EYS: variants seen among roughly 807,000 people sequenced by gnomAD.
EYS encodes protein eyes shut homolog.
EYS carries 250 observed loss-of-function variants against 282.1 expected under a neutral mutation model. The ratio of observed to expected loss-of-function variants is 0.89; its 90% CI spans 0.80 to 0.98. The LOEUF (loss-of-function observed/expected upper bound fraction) is 0.98. Ranked by LOEUF, EYS falls within the 50% of genes least tolerant of loss-of-function variation. EYS has a pLI of 0.00. For missense variants in EYS, 4,016 were observed against 3,709.0 expected, an observed-to-expected ratio of 1.08 and a Z score of -2.15; for synonymous variants, 1,355 against 1,282.9, an observed-to-expected ratio of 1.06 and a Z score of -1.20.
chr6:65,441,778 C>T (rs1768337644), intron 5 of EYS, among the ~76,000 whole-genome samples: 1 of 152,022 alleles, frequency 6.6e-6, no homozygotes, highest in African/African-American at 2.4e-5. Flanking sequence ...TCAAATTCTC[C>T]TGCTTTCAGA....
intron 8 of EYS, among the ~76,000 whole-genome samples, chr6:65,377,241 A>G (rs774323183): frequency 1.3e-5 from 2 of 152,174 alleles, no homozygotes; most frequent in African/African-American, 2.4e-5. Context: ...AAACCACACA[A>G]TTTTGTGGAA....
chr6:64,467,818 C>A (rs118036968), intron 26 of EYS, among the ~76,000 whole-genome samples: 1 of 151,986 alleles, frequency 6.6e-6, no homozygotes, highest in Non-Finnish European at 1.5e-5. Flanking sequence ...TTTTGGGGAC[C>A]CAGGGATCAG....
intron 26 of EYS, among the ~76,000 whole-genome samples, chr6:64,495,139 C>A (rs1287943406): frequency 1.3e-5 from 2 of 151,574 alleles, no homozygotes; most frequent in African/African-American, 2.4e-5. Flanking sequence ...TAATAAAGAA[C>A]AGATTGCCCT....
At chr6:63,905,874 T>C (rs1773767480) in intron 35 of EYS, among the ~76,000 whole-genome samples, 3 of 152,240 alleles carry the variant, frequency 2.0e-5, no homozygotes, top group Admixed American at 6.5e-5. Context: ...ATCCCCGTTA[T>C]GGCCTTTCTT....
At chr6:65,693,680 G>A (rs1265220253) in intron 1 of EYS, among the ~76,000 whole-genome samples, 1 of 150,054 alleles carries the variant, frequency 6.7e-6, no homozygotes, top group Non-Finnish European at 1.5e-5. Context: ...AATTAGGAAA[G>A]GATAATAGGA....
chr6:64,882,045 C>A (rs1413249048), intron 19 of EYS, among the ~76,000 whole-genome samples: 1 of 151,652 alleles, frequency 6.6e-6, no homozygotes, highest in East Asian at 1.9e-4. Context: ...GTGATAAAGG[C>A]AATTTTATAA....
intron 5 of EYS, among the ~76,000 whole-genome samples, chr6:65,413,239 C>T (rs1446461192): frequency 1.3e-5 from 2 of 151,986 alleles, no homozygotes; most frequent in Non-Finnish European, 2.9e-5. Context: ...TAAAATAATA[C>T]TTTAATTAAT....
intron 22 of EYS, among the ~76,000 whole-genome samples, chr6:64,643,245 T>C (rs1006159042): frequency 1.3e-5 from 2 of 152,302 alleles, no homozygotes; most frequent in Middle Eastern, 3.4e-3. Flanking sequence ...ATAATTGGCA[T>C]CTAAATTTAG....
At chr6:65,579,615 C>T (rs1344329241) in intron 2 of EYS, among the ~76,000 whole-genome samples, 1 of 152,062 alleles carries the variant, frequency 6.6e-6, no homozygotes, top group Non-Finnish European at 1.5e-5. Context: ...TGAGGCCCCA[C>T]GTGGCCTTAC....
rs1766414267 is a variant in EYS at position 64,591,650 on chromosome 6, G to C, written c.4217C>G (p.Thr1406Arg). 1 of 1,551,234 alleles carries C rather than the reference G, an allele frequency of 6.4e-7. No homozygotes were observed. The highest frequency in any genetic ancestry group is 8.7e-7 in the Non-Finnish European group (1 of 1,146,698). ...SSLMSDFIFP[T>R]QSLLFENCQT... ...ACAGTTCTCAAATAATAAAGATTGT[G>C]TAGGAAAAATAAAATCTGACATTAA... Residue 1406 changes from threonine to arginine, a missense_variant, in exon 26 of 43, where the codon ACA becomes AGA. Physicochemically the swap from Thr to Arg is moderately conservative, Grantham distance 71 (BLOSUM62 -1). Coordinates refer to ENST00000503581, the MANE Select transcript of EYS (RefSeq NM_001142800.2).
chr6:64,519,669 A>G (rs918576279), intron 26 of EYS, among the ~76,000 whole-genome samples: 7 of 151,820 alleles, frequency 4.6e-5, no homozygotes, highest in Non-Finnish European at 8.8e-5. Context: ...CCACCCACCA[A>G]TTGGAGGATG....
intron 34 of EYS, among the ~76,000 whole-genome samples, chr6:63,991,249 CA>C (rs1236129586): frequency 6.6e-6 from 1 of 151,578 alleles, no homozygotes; most frequent in Non-Finnish European, 1.5e-5. Context: ...TTTCCCTGTA[CA>C]AAAAGCCAGT....
intron 29 of EYS, among the ~76,000 whole-genome samples, chr6:64,328,529 G>C (rs1361830846): frequency 6.6e-6 from 1 of 152,198 alleles, no homozygotes; most frequent in Non-Finnish European, 1.5e-5. Flanking sequence ...AGGCTTACCA[G>C]CTTTACACAC....
chr6:64,564,107 T>C (rs959757922), intron 26 of EYS, among the ~76,000 whole-genome samples: 2 of 151,832 alleles, frequency 1.3e-5, no homozygotes, highest in Non-Finnish European at 1.5e-5. Context: ...TTTGGACATA[T>C]ACCCACGAGT....
chr6:64,191,481 C>CT (rs900043483), intron 31 of EYS, among the ~76,000 whole-genome samples: 2 of 144,782 alleles, frequency 1.4e-5, no homozygotes, highest in East Asian at 2.3e-4. Context: ...ATCCCTTCCC[C>CT]CCCCACCCCA....
chr6:63,795,093 C>T lies in EYS; in HGVS notation c.7412-5869G>A, dbSNP rs112848540. Among the ~76,000 whole-genome samples the T allele has an allele frequency of 4.2e-3, 646 of 152,308 alleles. 1 individual carries two copies. Among genetic ancestry groups the T allele is most frequent in the Admixed American group, 7.5e-3 (114 of 15,296 alleles). On this transcript the variant is annotated intron_variant, in intron 37 of 42. Coordinates refer to ENST00000503581, the MANE Select transcript of EYS (RefSeq NM_001142800.2). ...GCACAGGAAAAAAAACTGGATCTCT[C>T]TTTGGCTAGAAAGAAAAGTCATAAC... is the stretch of plus-strand genomic sequence containing the variant.
intron 35 of EYS, among the ~76,000 whole-genome samples, chr6:63,871,248 T>G (rs969812755): frequency 1.3e-5 from 2 of 152,196 alleles, no homozygotes; most frequent in Non-Finnish European, 2.9e-5. Context: ...TTTAACTTAT[T>G]GGCAATAGAC....
At chr6:64,391,382 C>T (rs989791887) in intron 28 of EYS, among the ~76,000 whole-genome samples, 2 of 152,096 alleles carry the variant, frequency 1.3e-5, no homozygotes, top group Non-Finnish European at 2.9e-5. Flanking sequence ...AGAGAAAGGT[C>T]GGATTACCCT....
At chr6:65,665,150 T>C (rs1250131200) in intron 1 of EYS, among the ~76,000 whole-genome samples, 1 of 152,180 alleles carries the variant, frequency 6.6e-6, no homozygotes, top group Non-Finnish European at 1.5e-5. Context: ...TCTGTGGTTA[T>C]AGTTCAGTTT....
Sources: gnomAD v4.1 joint callset for allele counts (sites outside exome capture counted in the v4.1 genomes callset) on GRCh38, gnomAD v4.1.1 for gene constraint, MANE v1.5 for transcripts, NCBI Gene and HGNC (gene_info 2026-07-23, HGNC 2026-07-21) for gene names.